Variants in SLC38A11 observed in about 807,000 individuals in gnomAD.
SLC38A11 encodes the protein solute carrier family 38 member 11.
Under a neutral mutation model 49.4 loss-of-function variants are expected in SLC38A11, and 51 were observed. That is an observed-to-expected ratio of 1.03 (90% confidence interval 0.83 to 1.30). The LOEUF (loss-of-function observed/expected upper bound fraction) is 1.30. Ranked by LOEUF, SLC38A11 falls within the 50% of genes most tolerant of loss-of-function variation. The pLI is 0.00. For synonymous variants in SLC38A11, 203 were observed against 192.9 expected (o/e 1.05, Z -0.43); for missense variants, 574 against 556.2 (o/e 1.03, Z -0.32).
rs962822913 is a variant in SLC38A11, at chr2:164,895,182, C to A, written c.*3255G>T. Among the ~76,000 whole-genome samples the A allele has an allele frequency of 6.6e-6, 1 of 152,168 alleles. No individual in the cohort carries two copies. The highest frequency in any genetic ancestry group is 6.6e-5 in the Admixed American group (1 of 15,262). ...AAGACTGGGCTCTTTTCTTTCTCTC[C>A]TGGTCTATGTGTTCTCTAGGTCACA... On this transcript the variant is annotated 3_prime_UTR_variant, in exon 12 of 12. Coordinates refer to ENST00000685975, the MANE Select transcript of SLC38A11 (RefSeq NM_001351537.2).
chr2:164,943,175 G>A (rs1489414539), intron 5 of SLC38A11, among the ~76,000 whole-genome samples: 1 of 152,152 alleles, frequency 6.6e-6, no homozygotes, highest in Non-Finnish European at 1.5e-5. Context: ...TAGCTTGGAT[G>A]AGAAGCTCTT....
intron 7 of SLC38A11, among the ~76,000 whole-genome samples, chr2:164,917,315 CTTGT>C (rs1470231539): frequency 6.6e-6 from 1 of 152,148 alleles, no homozygotes; most frequent in Non-Finnish European, 1.5e-5. Flanking sequence ...ACAAAAAAAT[CTTGT>C]TTGTTGTCCA....
rs774602846 is a variant in SLC38A11 at position 164,955,226 on chromosome 2, G to C, written c.22C>G (p.Pro8Ala). Residue 8 changes from proline (P) to alanine (A), a missense_variant, in exon 1 of 12, where the codon CCT becomes GCT. Pro to Ala is a conservative substitution (Grantham distance 27, BLOSUM62 -1). Transcript: ENST00000685975. ...AGTTTTACCTGCGGCGGGATGACAG[G>C]CTCCTGCCTCTGGTAGCCCATGGCT... Reference protein sequence around the residue: MGYQRQEPVIPPQRDLDD... With the variant: MGYQRQEAVIPPQRDLDD... 3.2e-6 allele frequency: 5 copies of C among 1,550,386 alleles called. No homozygotes were observed. The highest frequency in any genetic ancestry group is 2.0e-5 in the Admixed American group (1 of 50,982).
chr2:164,929,424 T>C (rs1352844248), intron 7 of SLC38A11, among the ~76,000 whole-genome samples: 2 of 152,166 alleles, frequency 1.3e-5, no homozygotes, highest in Non-Finnish European at 2.9e-5. Context: ...GTAATCATCA[T>C]ACATCTTTGT....
At chr2:164,939,341 C>A in intron 6 of SLC38A11, 109 bp downstream of exon 6, 1 of 637,660 alleles carries the variant, frequency 1.6e-6, no homozygotes, top group Non-Finnish European at 2.6e-6. Context: ...ATTAAGTAAA[C>A]CAGAAGAAAC....
intron 7 of SLC38A11, among the ~76,000 whole-genome samples, chr2:164,926,120 A>G (rs766506054): frequency 8.5e-5 from 13 of 152,134 alleles, no homozygotes; most frequent in Non-Finnish European, 1.6e-4. Context: ...TTGGTTTGCT[A>G]TAGATAGCCT....
intron 11 of SLC38A11, among the ~76,000 whole-genome samples, chr2:164,903,400 A>G (rs544807136): frequency 6.6e-6 from 1 of 152,284 alleles, no homozygotes; most frequent in African/African-American, 2.4e-5. Flanking sequence ...TGTTCTATTT[A>G]TGTTATAATT....
intron 5 of SLC38A11, among the ~76,000 whole-genome samples, chr2:164,943,486 C>G (rs998474297): frequency 6.6e-6 from 1 of 152,042 alleles, no homozygotes; most frequent in Non-Finnish European, 1.5e-5. Context: ...ACAAAAGAAG[C>G]CAGACTCAAA....
intron 7 of SLC38A11, among the ~76,000 whole-genome samples, chr2:164,924,066 A>G (rs1686400383): frequency 6.6e-6 from 1 of 152,194 alleles, no homozygotes. Context: ...AAATCAACCT[A>G]GGTGCCCATC....
chr2:164,916,537 A>T (rs982326073), intron 7 of SLC38A11, among the ~76,000 whole-genome samples: 1 of 152,192 alleles, frequency 6.6e-6, no homozygotes, highest in South Asian at 2.1e-4. Flanking sequence ...CATTTAACAC[A>T]TGAAGAAAAT....
intron 3 of SLC38A11, among the ~76,000 whole-genome samples, chr2:164,948,868 C>T (rs1235926239): frequency 6.6e-6 from 1 of 150,736 alleles, no homozygotes; most frequent in African/African-American, 2.4e-5. Flanking sequence ...CCATCTGCTT[C>T]CATTTTCTCT....
chr2:164,911,069 A>T (rs903630596), intron 10 of SLC38A11, among the ~76,000 whole-genome samples: 2 of 151,928 alleles, frequency 1.3e-5, no homozygotes, highest in Non-Finnish European at 2.9e-5. Context: ...GTAAATATAC[A>T]CGTCTACATG....
chr2:164,951,300 T>C (rs1688508589), intron 3 of SLC38A11, among the ~76,000 whole-genome samples: 1 of 152,178 alleles, frequency 6.6e-6, no homozygotes, highest in African/African-American at 2.4e-5. Context: ...AAATCAATTA[T>C]TTGTCAGTGC....
At chr2:164,907,589 G>A (rs1685108899) in intron 11 of SLC38A11, among the ~76,000 whole-genome samples, 1 of 151,974 alleles carries the variant, frequency 6.6e-6, no homozygotes, top group African/African-American at 2.4e-5. Flanking sequence ...CACCTATATT[G>A]CAGTTGAACT....
At chr2:164,916,090 T>C (rs1438965068) in intron 7 of SLC38A11, 117 bp from the exon 8 acceptor site, 1 of 630,532 alleles carries the variant, frequency 1.6e-6, no homozygotes, top group Non-Finnish European at 2.8e-6. Context: ...CAGAAATTAA[T>C]AAGGGGCTCC....
In SLC38A11 at chr2:164,942,410, G is replaced by T. The variant is rs1687836109; in HGVS notation, c.430+2159C>A. Among the ~76,000 whole-genome samples, 2 of 138,004 alleles carry T rather than the reference G, an allele frequency of 1.4e-5. 1 individual carries two copies. Among genetic ancestry groups the T allele is most frequent in the South Asian group, 5.2e-4 (2 of 3,820 alleles). The allele number at this position is 138,004 out of a possible 152,430, so 90.5% of individuals were successfully genotyped here. On this transcript the variant is annotated intron_variant, in intron 5 of 11. Coordinates refer to ENST00000685975, the MANE Select transcript of SLC38A11 (RefSeq NM_001351537.2). ...ATTATGCCACTGCACTCTAGCCTGG[G>T]TGACAGAGTGAGACTCTGTCTCAAA...
chr2:164,919,395 C>T (rs1451891878), intron 7 of SLC38A11, among the ~76,000 whole-genome samples: 2 of 151,452 alleles, frequency 1.3e-5, no homozygotes, highest in Non-Finnish European at 2.9e-5. Context: ...TCAAAAAAAC[C>T]CCATAATATT....
Position 164,895,142 on chromosome 2 carries a change from C to T in SLC38A11, c.*3295G>A, listed in dbSNP as rs1396441882. 1.3e-5 allele frequency among the ~76,000 whole-genome samples: 2 copies of T among 152,166 alleles called. No individual in the cohort carries two copies. The highest frequency in any genetic ancestry group is 2.1e-4 in the South Asian group (1 of 4,826). On this transcript the variant is annotated 3_prime_UTR_variant, in exon 12 of 12. Coordinates refer to ENST00000685975, the MANE Select transcript of SLC38A11 (RefSeq NM_001351537.2). ...TCTGACACATGTCCAAGTTTAAAAGCCACTACCCTAGACAAAGACTGGGCT... is the reference window on the plus strand; with the variant it reads ...TCTGACACATGTCCAAGTTTAAAAGTCACTACCCTAGACAAAGACTGGGCT...
At chr2:164,922,956 C>T (rs891857397) in intron 7 of SLC38A11, among the ~76,000 whole-genome samples, 2 of 152,046 alleles carry the variant, frequency 1.3e-5, no homozygotes, top group African/African-American at 4.8e-5. Flanking sequence ...ACAAAGTCGA[C>T]AAAAATAAGC....
Sources: gnomAD v4.1 joint callset for allele counts (sites outside exome capture counted in the v4.1 genomes callset) on GRCh38, gnomAD v4.1.1 for gene constraint, MANE v1.5 for transcripts, NCBI Gene and HGNC (gene_info 2026-07-23, HGNC 2026-07-21) for gene names.